The following PAPOLG variants were observed in gnomAD, a reference collection of about 807,000 sequenced individuals.
PAPOLG encodes PAP-gamma.
PAPOLG carries 40 observed loss-of-function variants against 99.0 expected under a neutral mutation model. The observed-to-expected ratio is 0.40, with a 90% CI of 0.31 to 0.53. The LOEUF (loss-of-function observed/expected upper bound fraction) is 0.53. Ranked by LOEUF, PAPOLG falls within the 20% of genes least tolerant of loss-of-function variation. The pLI, the probability that PAPOLG is intolerant of heterozygous loss-of-function variation, is 0.41. For synonymous variants in PAPOLG, 310 were observed against 299.3 expected (o/e 1.04, Z -0.37); for missense variants, 675 against 884.1 (o/e 0.76, Z 3.00).
chr2:60,761,185 A>G lies in PAPOLG; in HGVS notation c.180-556A>G, dbSNP rs1670512557. ...CTGAGGAAGAAGTAAGTTTGGACAG[A>G]CGTTCAGTTTTGCATGTTATCTTTG... On this transcript the variant is annotated intron_variant, in intron 2 of 21. Coordinates refer to ENST00000238714, the MANE Select transcript of PAPOLG (RefSeq NM_022894.4). Among the ~76,000 whole-genome samples the G allele has an allele frequency of 3.9e-5, 6 of 152,180 alleles. No individual in the cohort carries two copies. In the South Asian group the frequency reaches 1.2e-3, roughly 32 times the overall value.
At chr2:60,785,227 C>T (rs1438211525) in intron 13 of PAPOLG, among the ~76,000 whole-genome samples, 1 of 152,008 alleles carries the variant, frequency 6.6e-6, no homozygotes, top group Non-Finnish European at 1.5e-5. Context: ...AAAGCTCCAC[C>T]TCCCAGGTTC....
In PAPOLG at chr2:60,798,452, G is replaced by A. The variant is rs1671777420; in HGVS notation, c.*1292G>A. ...CTGTAAGATACCATCTTTTCAAAGAGAAACGTTTAAAACCTTTATTGTCTC... is the reference window on the plus strand; with the variant it reads ...CTGTAAGATACCATCTTTTCAAAGAAAAACGTTTAAAACCTTTATTGTCTC... On this transcript the variant is annotated 3_prime_UTR_variant, in exon 22 of 22. Transcript: ENST00000238714. The A allele has an allele frequency of 6.5e-6, 1 of 152,740 alleles. No homozygotes were observed. Among genetic ancestry groups the A allele is most frequent in the African/African-American group, 2.4e-5 (1 of 41,442 alleles). The allele number at this position is 152,740 out of a possible 1,614,324, so 9.5% of individuals were successfully genotyped here. A position where few individuals can be genotyped will look rare whatever the true frequency, so the allele number is the denominator to read the frequency against.
rs1671735871 is a variant in PAPOLG at position 60,797,176 on chromosome 2, A to C, written c.*16A>C. On this transcript the variant is annotated 3_prime_UTR_variant, in exon 22 of 22. Coordinates refer to ENST00000238714, the MANE Select transcript of PAPOLG (RefSeq NM_022894.4). ...TAATCGGTAAAAGCAGTGCCTCCTC[A>C]CTTAAGTGAACAAGCAATCATTTAG... The C allele has an allele frequency of 1.2e-6, 2 of 1,613,220 alleles. No homozygotes were observed. Among genetic ancestry groups the C allele is most frequent in the Non-Finnish European group, 8.5e-7 (1 of 1,179,284 alleles).
At chr2:60,779,867 C>G (rs1210719308) in intron 9 of PAPOLG, 92 bp downstream of exon 9, 1 of 1,113,038 alleles carries the variant, frequency 9.0e-7, no homozygotes, top group Non-Finnish European at 1.3e-6. Context: ...TAGACTTTTT[C>G]TGTTGTTTTA....
At chr2:60,766,770 G>A (rs902806791) in intron 3 of PAPOLG, among the ~76,000 whole-genome samples, 1 of 152,066 alleles carries the variant, frequency 6.6e-6, no homozygotes, top group Non-Finnish European at 1.5e-5. Flanking sequence ...GCAGTGAAAA[G>A]GAGGTTGGAT....
chr2:60,761,897 A>C (rs1428886776), intron 3 of PAPOLG, 90 bp downstream of exon 3: 3 of 914,734 alleles, frequency 3.3e-6, no homozygotes, highest in South Asian at 1.5e-5. Context: ...GAAGTATCTG[A>C]AATACATCAA....
intron 8 of PAPOLG, among the ~76,000 whole-genome samples, chr2:60,777,543 T>A (rs1218686754): frequency 6.6e-6 from 1 of 152,220 alleles, no homozygotes; most frequent in Non-Finnish European, 1.5e-5. Flanking sequence ...CACTTGTAAT[T>A]TCTGTCAATA....
chr2:60,793,361 C>T (rs1671601390), intron 17 of PAPOLG, among the ~76,000 whole-genome samples: 1 of 151,852 alleles, frequency 6.6e-6, no homozygotes, highest in Admixed American at 6.6e-5. Flanking sequence ...AGTTCAAGAC[C>T]AGCCTGGGCA....
intron 10 of PAPOLG, 86 bp from the exon 11 acceptor site, chr2:60,781,799 T>C: frequency 6.5e-7 from 1 of 1,547,616 alleles, no homozygotes; most frequent in Non-Finnish European, 8.8e-7. Flanking sequence ...AAATTTATAT[T>C]TCATATTCTT....
intron 8 of PAPOLG, among the ~76,000 whole-genome samples, chr2:60,776,326 TTTG>T (rs1221154816): frequency 2.6e-5 from 4 of 152,136 alleles, no homozygotes; most frequent in Non-Finnish European, 5.9e-5. Context: ...TCATCTAGGC[TTTG>T]TTGTTCTGTT....
In PAPOLG at chr2:60,788,950, C is replaced by T. The variant is rs987256224; in HGVS notation, c.1396+1330C>T. Among the ~76,000 whole-genome samples the T allele has an allele frequency of 3.9e-5, 6 of 152,244 alleles. No individual in the cohort carries two copies. The South Asian group carries it at 6.2e-4, about 16-fold the overall frequency. On this transcript the variant is annotated intron_variant, in intron 15 of 21. Transcript: ENST00000238714. Reference sequence around the variant, plus strand: ...TCAAGGCTGCAGTGAGCCGAGATTGCGCCATTGCTCTCCAGCCTGGGTGAC... The same window carrying T: ...TCAAGGCTGCAGTGAGCCGAGATTGTGCCATTGCTCTCCAGCCTGGGTGAC...
Position 60,756,461 on chromosome 2 carries a change from AGG to A in PAPOLG, c.-16_-15del. The A allele has an allele frequency of 6.7e-7, 1 of 1,503,536 alleles. No homozygotes were observed. Among genetic ancestry groups the A allele is most frequent in the Non-Finnish European group, 9.0e-7 (1 of 1,110,856 alleles). 93.1% of individuals were successfully genotyped at this position (1,503,536 alleles called of 1,614,324 possible). ...CCAGAGCGATAAACACTCGCTGGAGAGGGAGACGCAGGAAGCGATGAAAGAGA... is the reference window on the plus strand; with the variant it reads ...CCAGAGCGATAAACACTCGCTGGAGAGAGACGCAGGAAGCGATGAAAGAGA... On this transcript the variant is annotated 5_prime_UTR_variant, in exon 1 of 22. Coordinates refer to ENST00000238714, the MANE Select transcript of PAPOLG (RefSeq NM_022894.4).
In PAPOLG at chr2:60,797,187, C is replaced by T. The variant is rs755247604; in HGVS notation, c.*27C>T. 1.2e-6 allele frequency: 2 copies of T among 1,611,854 alleles called. No individual in the cohort carries two copies. The highest frequency in any genetic ancestry group is 2.2e-5 in the South Asian group (2 of 90,974). ...AGCAGTGCCTCCTCACTTAAGTGAA[C>T]AAGCAATCATTTAGTGGCATAGATG... On this transcript the variant is annotated 3_prime_UTR_variant, in exon 22 of 22. Coordinates refer to ENST00000238714, the MANE Select transcript of PAPOLG (RefSeq NM_022894.4).
At chr2:60,759,543 G>C (rs1196977070) in intron 1 of PAPOLG, among the ~76,000 whole-genome samples, 2 of 152,134 alleles carry the variant, frequency 1.3e-5, no homozygotes, top group Admixed American at 6.6e-5. Context: ...AAAATGAAGA[G>C]AATAATTAAC....
At chr2:60,794,263 C>A (rs1671632860) in intron 19 of PAPOLG, 72 bp downstream of exon 19, 1 of 1,416,456 alleles carries the variant, frequency 7.1e-7, no homozygotes, top group Non-Finnish European at 9.5e-7. Context: ...AACAATTTTC[C>A]ATAGCTGTTG....
Position 60,787,037 on chromosome 2 carries a change from A to G in PAPOLG, c.1257A>G (p.Ser419=). 1.9e-6 allele frequency: 3 copies of G among 1,611,506 alleles called. No homozygotes were observed. Among genetic ancestry groups the G allele is most frequent in the Non-Finnish European group, 2.5e-6 (3 of 1,178,206 alleles). The change falls in exon 14 of 22, where the codon TCA becomes TCG. Residue 419 remains serine, a synonymous_variant. Coordinates refer to ENST00000238714, the MANE Select transcript of PAPOLG (RefSeq NM_022894.4). ...CTCTTGCCCATGTGAATCCCCAGTC[A>G]TTCCCAGGGAATAAGGAACATCATA... ...FITLAHVNPQ[S]FPGNKEHHKD...
chr2:60,763,015 C>T (rs1573218699), intron 3 of PAPOLG, among the ~76,000 whole-genome samples: 1 of 151,560 alleles, frequency 6.6e-6, no homozygotes, highest in Non-Finnish European at 1.5e-5. Context: ...CATGATCTCA[C>T]CTCAGCCTCC....
At position 60,792,138 on chromosome 2, in the gene PAPOLG, T is replaced by C. The variant is rs1446733237; in HGVS notation, c.1528T>C (p.Ser510Pro). 6.3e-7 allele frequency: 1 copy of C among 1,586,074 alleles called. No homozygotes were observed. The highest frequency in any genetic ancestry group is 8.5e-7 in the Non-Finnish European group (1 of 1,172,362). ...ILQKKKKQSL[S>P]DVNRSSGGLQ... ...CGTTCCCTTCTTTCAGCAAAGTCTC[T>C]CTGATGTCAATCGAAGCTCGGGCGG... The change falls in exon 17 of 22, where the codon TCT (serine) becomes CCT (proline). Residue 510 changes from serine (S) to proline (P), a missense_variant. Ser to Pro is a moderately conservative substitution (Grantham distance 74). Coordinates refer to ENST00000238714, the MANE Select transcript of PAPOLG (RefSeq NM_022894.4).
In PAPOLG at chr2:60,791,783, A is replaced by G; in HGVS notation, c.1419A>G (p.Ile473Met). The G allele has an allele frequency of 2.5e-6, 4 of 1,612,938 alleles. 1 individual carries two copies. In the South Asian group the frequency reaches 4.4e-5, roughly 18 times the overall value. ...CAGTGTACAGACAGGCAAACAATAT[A>G]AATATGCTAAAGGAGGGAATGAAAA... ...TDTVYRQANN[I>M]NMLKEGMKIE... The change falls in exon 16 of 22, where the codon ATA (isoleucine) becomes ATG (methionine). Residue 473 changes from isoleucine to methionine, a missense_variant. Coordinates refer to ENST00000238714, the MANE Select transcript of PAPOLG (RefSeq NM_022894.4).
Sources: gnomAD v4.1 joint callset for allele counts (sites outside exome capture counted in the v4.1 genomes callset) on GRCh38, gnomAD v4.1.1 for gene constraint, MANE v1.5 for transcripts, NCBI Gene and HGNC (gene_info 2026-07-23, HGNC 2026-07-21) for gene names.